SPANXN1: variants seen among roughly 807,000 people sequenced by gnomAD.
The protein encoded by SPANXN1 is SPANX family member N1.
Under a neutral mutation model 2.0 loss-of-function variants are expected in SPANXN1, and 1 was observed. The observed-to-expected ratio is 0.50, with a 90% confidence interval of 0.18 to 2.36. SPANXN1 has a LOEUF of 2.36. SPANXN1 is among the 30% of genes most tolerant of loss of function. SPANXN1 has a pLI of 0.26. For missense variants in SPANXN1, 55 were observed against 51.8 expected, an observed-to-expected ratio of 1.06 and a Z score of -0.19; for synonymous variants, 27 against 21.3, an observed-to-expected ratio of 1.27 and a Z score of -0.74.
chrX:145,255,236 TTGA>T (rs782786895), intron 1 of SPANXN1, among the ~76,000 whole-genome samples: 19 of 111,573 alleles, frequency 1.7e-4, no homozygotes, highest in Non-Finnish European at 3.0e-4. Context: ...AGGCAGGATA[TTGA>T]TAAGATGTTC....
chrX:145,248,655 G>A (rs1436103018), intron 1 of SPANXN1, among the ~76,000 whole-genome samples: 14 of 112,127 alleles, frequency 1.2e-4, no homozygotes, highest in Non-Finnish European at 2.6e-4. Context: ...GAAGGTGGGG[G>A]TTGAATTCTC....
rs781890530 is a variant in SPANXN1, at chrX:145,247,646, C to A, written c.60C>A (p.Asn20Lys). 1.6e-5 allele frequency: 19 copies of A among 1,206,279 alleles called. No homozygotes were observed. Among genetic ancestry groups the A allele is most frequent in the Non-Finnish European group, 2.1e-5 (19 of 892,579 alleles). ...AGAGGAAGAGCCCCTGTGAATCCAACAATGAAAATGATGAGGTAAGATTGT... is the reference window on the plus strand; with the variant it reads ...AGAGGAAGAGCCCCTGTGAATCCAAAAATGAAAATGATGAGGTAAGATTGT... ...GEKRKSPCES[N>K]NENDEMQETP... Residue 20 changes from asparagine (N) to lysine (K), a missense_variant, in exon 1 of 2, where the codon AAC becomes AAA. Asn to Lys is a moderately conservative substitution (Grantham distance 94). Transcript: ENST00000370493.
intron 1 of SPANXN1, among the ~76,000 whole-genome samples, chrX:145,249,568 T>C (rs1246420312): frequency 9.0e-6 from 1 of 111,442 alleles, no homozygotes; most frequent in African/African-American, 3.3e-5. Context: ...TTAAGTACAG[T>C]GAGGCTGGTC....
At chrX:145,250,784 T>G (rs1376436273) in intron 1 of SPANXN1, among the ~76,000 whole-genome samples, 1 of 111,963 alleles carries the variant, frequency 8.9e-6, no homozygotes, top group Non-Finnish European at 1.9e-5. Flanking sequence ...TTTTGGCATC[T>G]GTAACCTTTC....
intron 1 of SPANXN1, among the ~76,000 whole-genome samples, chrX:145,248,299 T>G (rs2124442915): frequency 9.0e-6 from 1 of 111,516 alleles, no homozygotes; most frequent in African/African-American, 3.3e-5. Context: ...ATCAATGTGT[T>G]GCTGGGTGGC....
intron 1 of SPANXN1, among the ~76,000 whole-genome samples, chrX:145,248,504 G>T (rs1206637291): frequency 8.9e-6 from 1 of 111,930 alleles, no homozygotes; most frequent in African/African-American, 3.3e-5. Flanking sequence ...TGCTTAGTGT[G>T]TGTGGAGGAA....
intron 1 of SPANXN1, among the ~76,000 whole-genome samples, chrX:145,248,946 C>A (rs781951449): frequency 9.0e-6 from 1 of 111,067 alleles, no homozygotes; most frequent in Non-Finnish European, 1.9e-5. Context: ...AGAGGGGAGG[C>A]GTTGGTAAGA....
chrX:145,247,755 A>T, intron 1 of SPANXN1, 94 bp downstream of exon 1: 1 of 996,464 alleles, frequency 1.0e-6, no homozygotes, highest in East Asian at 3.1e-5. Flanking sequence ...TATTGCAGAC[A>T]CCTGTGGAAG....
intron 1 of SPANXN1, among the ~76,000 whole-genome samples, chrX:145,251,091 A>G (rs1285096307): frequency 8.9e-6 from 1 of 111,887 alleles, no homozygotes; most frequent in African/African-American, 3.3e-5. Context: ...TTCAGCAATG[A>G]TGGAATAGCC....
chrX:145,251,400 G>A lies in SPANXN1; in HGVS notation c.75+3739G>A, dbSNP rs190153069. 3.9e-3 allele frequency among the ~76,000 whole-genome samples: 433 copies of A among 112,158 alleles called. 1 individual carries two copies. The highest frequency in any genetic ancestry group is 9.2e-3 in the Middle Eastern group (2 of 217). On this transcript the variant is annotated intron_variant, in intron 1 of 1. Coordinates refer to ENST00000370493, the MANE Select transcript of SPANXN1 (RefSeq NM_001009614.3). ...GTTTATGAGGTCCTGTAGGTAATGG[G>A]AAGATGCAATAGTAATGTGTTGGTA...
chrX:145,250,454 G>C (rs1379596828), intron 1 of SPANXN1, among the ~76,000 whole-genome samples: 1 of 111,305 alleles, frequency 9.0e-6, no homozygotes, highest in Non-Finnish European at 1.9e-5. Flanking sequence ...AGTGCAAAGG[G>C]AACATGCCTT....
intron 1 of SPANXN1, among the ~76,000 whole-genome samples, chrX:145,252,408 A>G (rs1448918725): frequency 1.8e-5 from 2 of 111,052 alleles, no homozygotes; most frequent in African/African-American, 6.6e-5. Flanking sequence ...AGATCCTGGA[A>G]AAAGGGGTAA....
At chrX:145,255,027 C>T (rs1174661647) in intron 1 of SPANXN1, among the ~76,000 whole-genome samples, 1 of 111,199 alleles carries the variant, frequency 9.0e-6, no homozygotes, top group African/African-American at 3.3e-5. Context: ...GGTTTTGACA[C>T]CAAAATGTCA....
intron 1 of SPANXN1, among the ~76,000 whole-genome samples, chrX:145,254,668 G>T (rs1165082731): frequency 8.9e-6 from 1 of 112,199 alleles, no homozygotes; most frequent in Non-Finnish European, 1.9e-5. Flanking sequence ...CCCAGCACTT[G>T]ATTGTTTTTT....
chrX:145,255,256 T>C (rs2070803775), intron 1 of SPANXN1, among the ~76,000 whole-genome samples: 1 of 111,540 alleles, frequency 9.0e-6, no homozygotes, highest in South Asian at 3.8e-4. Flanking sequence ...GTTCTTATGA[T>C]CAGGTGGTTT....
rs868932892 is a variant in SPANXN1 at position 145,249,746 on chromosome X, A to G, written c.75+2085A>G. 4.8e-3 allele frequency among the ~76,000 whole-genome samples: 532 copies of G among 110,768 alleles called. 3 individuals are homozygous for G. Among genetic ancestry groups the G allele is most frequent in the African/African-American group, 0.016 (482 of 30,336 alleles). ...ACCCCTCCACTTAGGTTGGAGAGGG[A>G]GGAGGAGGAGTCTGTGATTCAGACC... On this transcript the variant is annotated intron_variant, in intron 1 of 1. Coordinates refer to ENST00000370493, the MANE Select transcript of SPANXN1 (RefSeq NM_001009614.3).
intron 1 of SPANXN1, among the ~76,000 whole-genome samples, chrX:145,253,261 G>A (rs1328674175): frequency 9.0e-6 from 1 of 111,001 alleles, no homozygotes; most frequent in Non-Finnish European, 1.9e-5. Context: ...TCGCCAAGTT[G>A]AGGAATTCTG....
At chrX:145,252,877 C>T (rs2070791817) in intron 1 of SPANXN1, among the ~76,000 whole-genome samples, 1 of 109,985 alleles carries the variant, frequency 9.1e-6, no homozygotes, top group Non-Finnish European at 1.9e-5. Context: ...CGAGTCTGTG[C>T]CTAGAGGGGA....
rs1228074928 is a variant in SPANXN1, at chrX:145,247,535, A to G, written c.-52A>G. The G allele has an allele frequency of 8.8e-7, 1 of 1,138,134 alleles. No homozygotes were observed. The highest frequency in any genetic ancestry group is 1.2e-6 in the Non-Finnish European group (1 of 829,522). The allele number at this position is 1,138,134 out of a possible 1,213,427, so 93.8% of individuals were successfully genotyped here. A position where few individuals can be genotyped will look rare whatever the true frequency, so the allele number is the denominator to read the frequency against. ...TGGGAAGCTTCAATACAGCTGTGCA[A>G]GTCTGGAGTCTACAAGAGCCTACTA... On this transcript the variant is annotated 5_prime_UTR_variant, in exon 1 of 2. Transcript: ENST00000370493.
Sources: allele counts gnomAD v4.1 joint callset (sites outside exome capture counted in the v4.1 genomes callset), GRCh38; gene constraint gnomAD v4.1.1; transcripts MANE v1.5; gene names NCBI Gene and HGNC (gene_info 2026-07-23, HGNC 2026-07-21).